DUSP16: variants seen among roughly 807,000 people sequenced by gnomAD.
DUSP16 encodes the protein dual specificity phosphatase 16, also known as dual specificity protein phosphatase 16.
Under a neutral mutation model 58.3 loss-of-function variants are expected in DUSP16, and 21 were observed. The observed-to-expected ratio is 0.36, with a 90% CI of 0.26 to 0.52. The LOEUF is 0.52. DUSP16 is among the 20% of genes least tolerant of loss of function. The pLI is 0.94. For synonymous variants in DUSP16, 320 were observed against 323.8 expected (o/e 0.99, Z 0.12); for missense variants, 726 against 819.0 (o/e 0.89, Z 1.39).
rs1053786055 is a variant in DUSP16 at position 12,552,383 on chromosome 12, T to A, written c.-366+9734A>T. 5.9e-5 allele frequency among the ~76,000 whole-genome samples: 9 copies of A among 152,008 alleles called. No individual in the cohort carries two copies. The East Asian group carries it at 1.8e-3, about 30-fold the overall frequency. ...ATCACTTGAACCCGGGAGGCAGAGG[T>A]TGCAGTGAGCTGAGATCACACCACT... is the stretch of plus-strand genomic sequence containing the variant. On this transcript the variant is annotated intron_variant, in intron 1 of 6. Transcript: ENST00000298573.
intron 6 of DUSP16, 83 bp from the exon 7 acceptor site, chr12:12,478,098 G>T: frequency 8.2e-7 from 1 of 1,220,266 alleles, no homozygotes. Context: ...ATGAGATAGG[G>T]AATTATCAGG....
Position 12,519,291 on chromosome 12 carries a change from T to A in DUSP16, c.367+571A>T, listed in dbSNP as rs534119941. On this transcript the variant is annotated intron_variant, in intron 3 of 6. Coordinates refer to ENST00000298573, the MANE Select transcript of DUSP16 (RefSeq NM_030640.3). The stretch of plus-strand genomic sequence containing the variant: ...GCATTTCTACGTTGAGACTTTTTTT[T>A]AATTATAAAACAAATAAAAATATAC... Among the ~76,000 whole-genome samples the A allele has an allele frequency of 4.4e-4, 67 of 152,352 alleles. No homozygotes were observed. In the Middle Eastern group the frequency reaches 0.01, roughly 23 times the overall value.
At position 12,532,841 on chromosome 12, in the gene DUSP16, G is replaced by A. The variant is rs550677115; in HGVS notation, c.-365-11378C>T. ...TGCATGCCTGTAATCCCAGCTATTC[G>A]GGAGGCTGAGGCAGCAGAATCGCTT... On this transcript the variant is annotated intron_variant, in intron 1 of 6. Coordinates refer to ENST00000298573, the MANE Select transcript of DUSP16 (RefSeq NM_030640.3). 7.2e-5 allele frequency among the ~76,000 whole-genome samples: 11 copies of A among 152,060 alleles called. No homozygotes were observed. The East Asian group carries it at 7.7e-4, about 11-fold the overall frequency.
chr12:12,562,624 C>T lies in DUSP16; in HGVS notation c.-873G>A, dbSNP rs1418987772. ...GTCGCTGGTCAGGAAACTTCAAGCG[C>T]GGATGAGGTCATTGGTTTAAAAATA... On this transcript the variant is annotated 5_prime_UTR_variant, in exon 1 of 7. Coordinates refer to ENST00000298573, the MANE Select transcript of DUSP16 (RefSeq NM_030640.3). 6.6e-6 allele frequency among the ~76,000 whole-genome samples: 1 copy of T among 152,016 alleles called. No homozygotes were observed. The highest frequency in any genetic ancestry group is 2.4e-5 in the African/African-American group (1 of 41,426).
rs185209546 is a variant in DUSP16, at chr12:12,501,505, C to G, written c.368-823G>C. Among the ~76,000 whole-genome samples, 7 of 152,328 alleles carry G rather than the reference C, an allele frequency of 4.6e-5. No individual in the cohort carries two copies. The East Asian group carries it at 1.3e-3, about 29-fold the overall frequency. On this transcript the variant is annotated intron_variant, in intron 3 of 6. Transcript: ENST00000298573. ...TGTAGCCAAAGGAGGTGCTTTCACT[C>G]CCTCCGGGAAAAGAAAAAATGAGTA...
chr12:12,488,298 A>G (rs1943713243), intron 4 of DUSP16, among the ~76,000 whole-genome samples: 1 of 152,178 alleles, frequency 6.6e-6, no homozygotes, highest in Admixed American at 6.5e-5. Context: ...ACTCATGCAT[A>G]ATTAACCATT....
intron 1 of DUSP16, among the ~76,000 whole-genome samples, chr12:12,540,335 A>G (rs1462679338): frequency 6.6e-6 from 1 of 152,030 alleles, no homozygotes; most frequent in Non-Finnish European, 1.5e-5. Context: ...GTCTTAAAAT[A>G]TATAAAAATA....
chr12:12,511,755 T>A (rs1337286497), intron 3 of DUSP16, among the ~76,000 whole-genome samples: 1 of 151,998 alleles, frequency 6.6e-6, no homozygotes, highest in Non-Finnish European at 1.5e-5. Flanking sequence ...CTTTTGCTTT[T>A]CCAATATCTT....
chr12:12,528,780 C>T (rs1944340884), intron 1 of DUSP16, among the ~76,000 whole-genome samples: 1 of 152,070 alleles, frequency 6.6e-6, no homozygotes, highest in Admixed American at 6.5e-5. Flanking sequence ...ACACGATCAA[C>T]AACAAAAACA....
At position 12,477,187 on chromosome 12, in the gene DUSP16, G is replaced by C; in HGVS notation, c.1644C>G (p.Thr548=). 1.9e-6 allele frequency: 3 copies of C among 1,614,228 alleles called. No homozygotes were observed. The highest frequency in any genetic ancestry group is 2.5e-6 in the Non-Finnish European group (3 of 1,180,040). The change falls in exon 7 of 7, where the codon ACC becomes ACG. Residue 548 remains threonine (T), a synonymous_variant. Coordinates refer to ENST00000298573, the MANE Select transcript of DUSP16 (RefSeq NM_030640.3). The surrounding 1 kb of genome is among the most constrained non-coding windows in gnomAD (Gnocchi z 4.1). ...AGCTGCTGGTCAGGGAAGGGGTAGA[G>C]GTCTGGGGGGCCAAGATATCCGAGT... ...GWHSDILAPQ[T]STPSLTSSWY...
chr12:12,477,443 T>C lies in DUSP16; in HGVS notation c.1388A>G (p.Glu463Gly). ...EQTPETSPDK[E>G]EASIPKKLQT... ...CAGCTTCTTGGGGATGCTGGCTTCC[T>C]CCTTATCAGGACTGGTTTCGGGAGT... Residue 463 changes from glutamate to glycine, a missense_variant, in exon 7 of 7, where the codon GAG becomes GGG. Transcript: ENST00000298573. This position sits in a 1 kb window ranked among gnomAD's most constrained non-coding sequence, Gnocchi z 4.1. 6.2e-7 allele frequency: 1 copy of C among 1,604,900 alleles called. No individual in the cohort carries two copies. Among genetic ancestry groups the C allele is most frequent in the Non-Finnish European group, 8.5e-7 (1 of 1,175,202 alleles).
intron 1 of DUSP16, among the ~76,000 whole-genome samples, chr12:12,525,262 C>G (rs1157635812): frequency 6.6e-6 from 1 of 151,604 alleles, no homozygotes; most frequent in Non-Finnish European, 1.5e-5. Context: ...CTAAATAAAA[C>G]ATGTAGAAAT....
chr12:12,528,474 G>T (rs955345536), intron 1 of DUSP16, among the ~76,000 whole-genome samples: 1 of 152,190 alleles, frequency 6.6e-6, no homozygotes, highest in Non-Finnish European at 1.5e-5. Flanking sequence ...TAGGCTGGAG[G>T]CAGGAGAAGA....
chr12:12,479,896 G>A (rs969081985), intron 6 of DUSP16, among the ~76,000 whole-genome samples: 16 of 152,142 alleles, frequency 1.1e-4, no homozygotes, highest in African/African-American at 3.9e-4. Context: ...CCCATCATAT[G>A]CAAATTAAAA....
chr12:12,543,052 C>G (rs910902813), intron 1 of DUSP16, among the ~76,000 whole-genome samples: 2 of 152,172 alleles, frequency 1.3e-5, no homozygotes, highest in African/African-American at 4.8e-5. Flanking sequence ...GACTTTTAGC[C>G]TTCAGAACTA....
chr12:12,525,560 G>A (rs560101235), intron 1 of DUSP16, among the ~76,000 whole-genome samples: 16 of 151,814 alleles, frequency 1.1e-4, no homozygotes, highest in South Asian at 4.2e-4. Context: ...CACTGCATCC[G>A]GCGAAATTCT....
At chr12:12,540,471 G>A (rs1944535508) in intron 1 of DUSP16, among the ~76,000 whole-genome samples, 2 of 152,214 alleles carry the variant, frequency 1.3e-5, no homozygotes, top group Admixed American at 6.5e-5. Flanking sequence ...TGTACAGTGG[G>A]TCTAACTTGT....
chr12:12,550,106 C>G (rs553512786), intron 1 of DUSP16, among the ~76,000 whole-genome samples: 2 of 152,168 alleles, frequency 1.3e-5, no homozygotes, highest in South Asian at 4.1e-4. Context: ...AACCCTGTCT[C>G]TACTAAAAAT....
At chr12:12,533,280 A>G (rs968666590) in intron 1 of DUSP16, among the ~76,000 whole-genome samples, 4 of 152,262 alleles carry the variant, frequency 2.6e-5, no homozygotes, top group Non-Finnish European at 4.4e-5. Context: ...AAACCTGTTT[A>G]AAGTGTCACA....
Sources: gnomAD v4.1 joint callset for allele counts (sites outside exome capture counted in the v4.1 genomes callset) on GRCh38, gnomAD v4.1.1 for gene constraint, Gnocchi (gnomAD v3.1) non-coding constraint, MANE v1.5 for transcripts, NCBI Gene and HGNC (gene_info 2026-07-23, HGNC 2026-07-21) for gene names.